Variants in PIEZO2 observed in about 807,000 individuals in gnomAD.
PIEZO2 encodes the protein piezo-type mechanosensitive ion channel component 2.
In PIEZO2, 172 loss-of-function variants were observed where a neutral mutation model predicts 337.3. The ratio of observed to expected loss-of-function variants is 0.51; its 90% confidence interval spans 0.45 to 0.58. PIEZO2 has a LOEUF of 0.58. Among genes scored for constraint, PIEZO2 ranks in the 20% least tolerant of loss-of-function variants. The pLI is 0.00. For missense variants in PIEZO2, 3,028 were observed against 3,391.3 expected (o/e 0.89, Z 2.66); for synonymous variants, 1,251 against 1,228.5 (o/e 1.02, Z -0.38).
rs139536229 is a variant in PIEZO2, at chr18:11,048,864, A to G, written c.160+17263T>C. The stretch of plus-strand genomic sequence containing the variant: ...ATTCTTCTTATAATTAATAATCTGC[A>G]CTTTTTGAAAGTTAAATATAAATTT... On this transcript the variant is annotated intron_variant, in intron 2 of 55. Transcript: ENST00000674853. The surrounding 1 kb of genome is among the most constrained non-coding windows in gnomAD (Gnocchi z 4.5). 6.6e-6 allele frequency among the ~76,000 whole-genome samples: 1 copy of G among 152,326 alleles called. No individual in the cohort carries two copies. The highest frequency in any genetic ancestry group is 1.9e-4 in the East Asian group (1 of 5,184).
rs2038197339 is a variant in PIEZO2, at chr18:10,762,902, C to G, written c.3123+20G>C. ...TTGCTAAAGGGCAGTCAGGAATATT[C>G]CCCCATCACCGAGGCTCACCAAGGA... On this transcript the variant is annotated intron_variant, in intron 22 of 55. Coordinates refer to ENST00000674853, the MANE Select transcript of PIEZO2 (RefSeq NM_001378183.1). The G allele has an allele frequency of 1.3e-6, 2 of 1,533,466 alleles. No homozygotes were observed. The highest frequency in any genetic ancestry group is 2.7e-5 in the African/African-American group (2 of 72,918). The allele number at this position is 1,533,466 out of a possible 1,614,324, so 95.0% of individuals were successfully genotyped here. A position where few individuals can be genotyped will look rare whatever the true frequency, so the allele number is the denominator to read the frequency against.
chr18:10,896,297 C>G (rs2042899850), intron 4 of PIEZO2, among the ~76,000 whole-genome samples: 1 of 152,080 alleles, frequency 6.6e-6, no homozygotes, highest in Non-Finnish European at 1.5e-5. Context: ...GTGCTGGTGA[C>G]CATCTGACAA....
rs1255683023 is a variant in PIEZO2, at chr18:10,871,322, T to G, written c.423A>C (p.Arg141Ser). The stretch of plus-strand genomic sequence containing the variant: ...CTGTCACAGGTTTCTGAACAATGTT[T>G]CTACAGAGGAGCCAGATGGTCAGAC... Reference protein sequence around the residue: ...IASLTIWLLCRNIVQKPVTDE... With the variant: ...IASLTIWLLCSNIVQKPVTDE... Residue 141 changes from arginine to serine, a missense_variant, in exon 5 of 56, where the codon AGA (arginine) becomes AGC (serine). Around this residue, in one of 5 missense-constraint regions of PIEZO2, gnomAD observed 542 missense variants for 605.6 expected, o/e 0.89. Coordinates refer to ENST00000674853, the MANE Select transcript of PIEZO2 (RefSeq NM_001378183.1). 2 of 1,537,272 alleles carry G rather than the reference T, an allele frequency of 1.3e-6. No individual in the cohort carries two copies. The highest frequency in any genetic ancestry group is 8.7e-7 in the Non-Finnish European group (1 of 1,146,872).
At chr18:11,000,036 T>A (rs2035473843) in intron 2 of PIEZO2, among the ~76,000 whole-genome samples, 1 of 152,196 alleles carries the variant, frequency 6.6e-6, no homozygotes, top group African/African-American at 2.4e-5. Flanking sequence ...GGAACACATG[T>A]CTACTTTCTA....
At chr18:10,735,466 A>T (rs371162838) in intron 34 of PIEZO2, among the ~76,000 whole-genome samples, 136 bp from the exon 35 acceptor site, 5 of 152,220 alleles carry the variant, frequency 3.3e-5, no homozygotes, top group South Asian at 2.1e-4. Flanking sequence ...AAGCTAGAAT[A>T]AAATGTGCTC....
intron 7 of PIEZO2, among the ~76,000 whole-genome samples, chr18:10,842,652 C>G (rs1389633303): frequency 6.6e-6 from 1 of 152,240 alleles, no homozygotes; most frequent in Non-Finnish European, 1.5e-5. Context: ...GCCAAATAAA[C>G]CCCTTTTCTT....
At chr18:10,844,797 A>G (rs2041304089) in intron 7 of PIEZO2, among the ~76,000 whole-genome samples, 1 of 151,690 alleles carries the variant, frequency 6.6e-6, no homozygotes, top group East Asian at 1.9e-4. Context: ...TCAAAAAAAA[A>G]AAAAAAAAGT....
chr18:11,034,438 G>A (rs1247512007), intron 2 of PIEZO2, among the ~76,000 whole-genome samples: 4 of 151,836 alleles, frequency 2.6e-5, no homozygotes, highest in Non-Finnish European at 2.9e-5. Flanking sequence ...GACTACAGGC[G>A]CCCGCCACCA....
At chr18:10,798,061 C>T (rs1171663754) in intron 11 of PIEZO2, among the ~76,000 whole-genome samples, 1 of 152,220 alleles carries the variant, frequency 6.6e-6, no homozygotes, top group African/African-American at 2.4e-5. Flanking sequence ...AGCCAGATGT[C>T]AGCAAGAGCC....
intron 1 of PIEZO2, among the ~76,000 whole-genome samples, chr18:11,103,728 G>T (rs1350378929): frequency 6.6e-6 from 1 of 152,090 alleles, no homozygotes; most frequent in African/African-American, 2.4e-5. Context: ...AAAGCAAAGT[G>T]TAAGTTTCAA....
intron 47 of PIEZO2, among the ~76,000 whole-genome samples, 189 bp downstream of exon 47, chr18:10,695,885 G>A (rs1044532076): frequency 6.6e-6 from 1 of 152,136 alleles, no homozygotes; most frequent in Non-Finnish European, 1.5e-5. Flanking sequence ...ATATTTTTGA[G>A]GAATCAGTTC....
At chr18:11,117,276 C>G (rs12969087) in intron 1 of PIEZO2, among the ~76,000 whole-genome samples, 8 of 151,934 alleles carry the variant, frequency 5.3e-5, no homozygotes, top group African/African-American at 1.9e-4. Context: ...TAAAAATGTA[C>G]AATTATTATG....
rs894580125 is a variant in PIEZO2 at position 11,116,498 on chromosome 18, T to C, written c.64+32027A>G. On this transcript the variant is annotated intron_variant, in intron 1 of 55. Transcript: ENST00000674853. This position sits in a 1 kb window ranked among gnomAD's most constrained non-coding sequence, Gnocchi z 5.0. ...GGAGGCCGAGCTGGGCGGATCACGA[T>C]GTCAGGAGACAGAGACCATCCTGGC... is the stretch of plus-strand genomic sequence containing the variant. Among the ~76,000 whole-genome samples the C allele has an allele frequency of 2.6e-5, 4 of 150,984 alleles. No homozygotes were observed. The highest frequency in any genetic ancestry group is 9.7e-5 in the African/African-American group (4 of 41,156).
rs2040806574 is a variant in PIEZO2, at chr18:10,830,275, A to G, written c.918-23001T>C. 6.6e-6 allele frequency among the ~76,000 whole-genome samples: 1 copy of G among 152,200 alleles called. No individual in the cohort carries two copies. The highest frequency in any genetic ancestry group is 6.5e-5 in the Admixed American group (1 of 15,278). On this transcript the variant is annotated intron_variant, in intron 7 of 55. Transcript: ENST00000674853. The surrounding 1 kb of genome is among the most constrained non-coding windows in gnomAD (Gnocchi z 4.7). The stretch of plus-strand genomic sequence containing the variant: ...TAACACTAGACCCCTATCTCTCACC[A>G]CACACAACAATAAATCAAAATGAAT...
chr18:10,749,539 GGT>G, intron 29 of PIEZO2, among the ~76,000 whole-genome samples: 1 of 152,186 alleles, frequency 6.6e-6, no homozygotes, highest in South Asian at 2.1e-4. Flanking sequence ...ACCCATTCTG[GGT>G]GCCATGGTAG....
At chr18:10,741,807 T>C (rs920128549) in intron 32 of PIEZO2, among the ~76,000 whole-genome samples, 3 of 152,072 alleles carry the variant, frequency 2.0e-5, no homozygotes, top group African/African-American at 7.2e-5. Flanking sequence ...ATAAAATTTA[T>C]AGAAATAAAA....
In PIEZO2 at chr18:11,003,881, C is replaced by T. The variant is rs1281433339; in HGVS notation, c.161-24221G>A. Among the ~76,000 whole-genome samples, 1 of 152,186 alleles carries T rather than the reference C, an allele frequency of 6.6e-6. No homozygotes were observed. ...ATTGGAACAAAACAATATTCAACTACATTTTTCAGGGACCTGCTAAATAGG... is the reference window on the plus strand; with the variant it reads ...ATTGGAACAAAACAATATTCAACTATATTTTTCAGGGACCTGCTAAATAGG... On this transcript the variant is annotated intron_variant, in intron 2 of 55. Coordinates refer to ENST00000674853, the MANE Select transcript of PIEZO2 (RefSeq NM_001378183.1). The surrounding 1 kb of genome is among the most constrained non-coding windows in gnomAD (Gnocchi z 4.6).
intron 2 of PIEZO2, among the ~76,000 whole-genome samples, chr18:11,056,569 T>C (rs2037738804): frequency 6.6e-6 from 1 of 152,080 alleles, no homozygotes; most frequent in African/African-American, 2.4e-5. Flanking sequence ...AAGAGAACAT[T>C]AAATAGAGAG....
In PIEZO2 at chr18:11,021,537, A is replaced by G. The variant is rs115991371; in HGVS notation, c.161-41877T>C. On this transcript the variant is annotated intron_variant, in intron 2 of 55. Transcript: ENST00000674853. The surrounding 1 kb of genome is among the most constrained non-coding windows in gnomAD (Gnocchi z 4.7). ...GCAGACTCTCCTGCTTCAGCCGCCA[A>G]TGGCGTTTAGTCTCCTTGTGAATTC... Among the ~76,000 whole-genome samples, 3,241 of 152,148 alleles carry G rather than the reference A, an allele frequency of 0.021. 113 individuals are homozygous for G. The highest frequency in any genetic ancestry group is 0.074 in the African/African-American group (3,052 of 41,484).
Sources: gnomAD v4.1 joint callset for allele counts (sites outside exome capture counted in the v4.1 genomes callset) on GRCh38, gnomAD v4.1.1 for gene constraint, gnomAD v4.1.1 regional missense constraint, Gnocchi (gnomAD v3.1) non-coding constraint, MANE v1.5 for transcripts, NCBI Gene and HGNC (gene_info 2026-07-23, HGNC 2026-07-21) for gene names.